CDK5RAP2: variants seen among roughly 807,000 people sequenced by gnomAD.
CDK5RAP2 encodes CDK5 regulatory subunit associated protein 2, also known as CDK5 regulatory subunit-associated protein 2.
In CDK5RAP2, 147 loss-of-function variants were observed where a neutral mutation model predicts 232.9. The ratio of observed to expected loss-of-function variants is 0.63; its 90% confidence interval spans 0.55 to 0.72. The LOEUF is 0.72. Among genes scored for constraint, CDK5RAP2 ranks in the 30% least tolerant of loss-of-function variants. The pLI is 0.00. For missense variants in CDK5RAP2, 2,195 were observed against 2,231.5 expected, an observed-to-expected ratio of 0.98 and a Z score of 0.33; for synonymous variants, 833 against 833.7, an observed-to-expected ratio of 1.00 and a Z score of 0.01.
chr9:120,409,083 T>C (rs368468805), intron 30 of CDK5RAP2, 44 bp downstream of exon 30: 17 of 1,582,212 alleles, frequency 1.1e-5, no homozygotes, highest in African/African-American at 1.3e-5. Context: ...AGTGCCTGCA[T>C]GCGTGGTACG....
At chr9:120,438,938 T>A (rs1303830652) in intron 24 of CDK5RAP2, among the ~76,000 whole-genome samples, 1 of 152,186 alleles carries the variant, frequency 6.6e-6, no homozygotes. Context: ...CAAGCTTATT[T>A]CTCTAAGATG....
chr9:120,401,900 C>T (rs2033050291), intron 34 of CDK5RAP2, among the ~76,000 whole-genome samples: 1 of 152,022 alleles, frequency 6.6e-6, no homozygotes, highest in Admixed American at 6.6e-5. Flanking sequence ...AGGAGAATCA[C>T]TTGAGCCCAA....
chr9:120,555,172 G>A (rs943538876), intron 3 of CDK5RAP2, among the ~76,000 whole-genome samples: 4 of 151,808 alleles, frequency 2.6e-5, no homozygotes, highest in African/African-American at 4.8e-5. Context: ...ACGGAGTCTC[G>A]CTTTATTGCC....
intron 4 of CDK5RAP2, among the ~76,000 whole-genome samples, chr9:120,549,778 T>G (rs1170863038): frequency 6.6e-6 from 1 of 152,232 alleles, no homozygotes; most frequent in African/African-American, 2.4e-5. Flanking sequence ...TTGGTTTTCC[T>G]TTAAAATTGT....
chr9:120,412,536 G>A (rs1046287428), intron 28 of CDK5RAP2, among the ~76,000 whole-genome samples: 2 of 152,178 alleles, frequency 1.3e-5, no homozygotes. Flanking sequence ...TGCTCTGGAC[G>A]CTGTCTGAGA....
chr9:120,538,630 A>G (rs935731930), intron 6 of CDK5RAP2, among the ~76,000 whole-genome samples: 5 of 152,182 alleles, frequency 3.3e-5, no homozygotes, highest in Admixed American at 3.3e-4. Flanking sequence ...AATGTTAGGT[A>G]AGTCATTTCC....
intron 18 of CDK5RAP2, among the ~76,000 whole-genome samples, chr9:120,464,979 T>C (rs893013140): frequency 6.6e-6 from 1 of 152,242 alleles, no homozygotes; most frequent in African/African-American, 2.4e-5. Context: ...CAACCATTTC[T>C]GTCCTTTAGA....
At chr9:120,468,312 TA>T (rs1420559429) in intron 17 of CDK5RAP2, among the ~76,000 whole-genome samples, 1 of 152,228 alleles carries the variant, frequency 6.6e-6, no homozygotes, top group East Asian at 1.9e-4. Flanking sequence ...CACAGTGCAC[TA>T]AAGTCCCTGG....
At chr9:120,526,098 A>C (rs2040887686) in intron 10 of CDK5RAP2, among the ~76,000 whole-genome samples, 1 of 152,046 alleles carries the variant, frequency 6.6e-6, no homozygotes, top group Admixed American at 6.6e-5. Context: ...TCCCATCATC[A>C]ACCTTCTTCT....
At chr9:120,531,979 T>C (rs917427606) in intron 7 of CDK5RAP2, among the ~76,000 whole-genome samples, 6 of 152,134 alleles carry the variant, frequency 3.9e-5, no homozygotes, top group African/African-American at 1.4e-4. Context: ...CTGTGTTGTA[T>C]GTAATTTATA....
chr9:120,401,592 C>A (rs1412376062), intron 34 of CDK5RAP2, among the ~76,000 whole-genome samples: 5 of 100,804 alleles, frequency 5.0e-5, no homozygotes, highest in African/African-American at 2.0e-4. Flanking sequence ...GCCTGGACAA[C>A]ATGGCCAGAC....
chr9:120,518,759 C>T (rs1276962219), intron 11 of CDK5RAP2, 114 bp from the exon 12 acceptor site: 2 of 776,902 alleles, frequency 2.6e-6, no homozygotes, highest in Non-Finnish European at 4.3e-6. Context: ...AAAAGATTAA[C>T]ATAGACAACA....
chr9:120,532,562 C>T (rs1170785297), intron 7 of CDK5RAP2: 1 of 152,356 alleles, frequency 6.6e-6, no homozygotes, highest in African/African-American at 2.4e-5. Context: ...TTCTGCTAAC[C>T]ATCTGACCTT....
chr9:120,548,681 G>A (rs975177126), intron 4 of CDK5RAP2, among the ~76,000 whole-genome samples: 1 of 152,068 alleles, frequency 6.6e-6, no homozygotes, highest in Non-Finnish European at 1.5e-5. Context: ...GTGTGGTGGT[G>A]CATGCCTGTA....
At chr9:120,478,208 G>A (rs1049652217) in intron 14 of CDK5RAP2, among the ~76,000 whole-genome samples, 1 of 152,224 alleles carries the variant, frequency 6.6e-6, no homozygotes, top group Admixed American at 6.5e-5. Flanking sequence ...GAGTTACAGA[G>A]CAGATGAAAG....
Position 120,448,140 on chromosome 9 carries a change from T to C in CDK5RAP2, c.2794-14A>G, listed in dbSNP as rs778000617. The C allele has an allele frequency of 1.3e-6, 2 of 1,570,792 alleles. No homozygotes were observed. The highest frequency in any genetic ancestry group is 2.7e-5 in the African/African-American group (2 of 74,130). ...CTTCTTAGCCTCCTGAAAACACACA[T>C]ATGCAACAATGAATACACTTTGAAC... On this transcript the variant is annotated splice_polypyrimidine_tract_variant and intron_variant, in intron 21 of 37. Coordinates refer to ENST00000349780, the MANE Select transcript of CDK5RAP2 (RefSeq NM_018249.6).
Position 120,419,880 on chromosome 9 carries a change from T to C in CDK5RAP2, c.4085A>G (p.Tyr1362Cys). Residue 1362 changes from tyrosine (Y) to cysteine (C), a missense_variant, in exon 27 of 38, where the codon TAT (tyrosine) becomes TGT (cysteine). Physicochemically the swap from Tyr to Cys is radical, Grantham distance 194. Coordinates refer to ENST00000349780, the MANE Select transcript of CDK5RAP2 (RefSeq NM_018249.6). The stretch of plus-strand genomic sequence containing the variant: ...GAAGAAGGACTTTTCAGATGTTTCA[T>C]AATCAGAGAGCGCATGAGAGGCTGA... Reference protein sequence around the residue: ...EPSASHALSDYETSEKSFFSR... With the variant: ...EPSASHALSDCETSEKSFFSR... 6.2e-7 allele frequency: 1 copy of C among 1,613,856 alleles called. No individual in the cohort carries two copies. The highest frequency in any genetic ancestry group is 8.5e-7 in the Non-Finnish European group (1 of 1,179,698).
At chr9:120,538,046 T>C (rs2041470109) in intron 6 of CDK5RAP2, among the ~76,000 whole-genome samples, 1 of 152,232 alleles carries the variant, frequency 6.6e-6, no homozygotes. Context: ...AATTACATTT[T>C]CGCTAAAATT....
intron 18 of CDK5RAP2, among the ~76,000 whole-genome samples, chr9:120,464,152 CCTTGAAACCCCACG>C (rs377616849): frequency 6.6e-6 from 1 of 152,320 alleles, no homozygotes; most frequent in African/African-American, 2.4e-5. Flanking sequence ...AACACTCCCT[CCTTGAAACCCCACG>C]CTGTTACTCT....
Sources: allele counts gnomAD v4.1 joint callset (sites outside exome capture counted in the v4.1 genomes callset), GRCh38; gene constraint gnomAD v4.1.1; transcripts MANE v1.5; gene names NCBI Gene and HGNC (gene_info 2026-07-23, HGNC 2026-07-21).